PCDHA7: variants seen among roughly 807,000 people sequenced by gnomAD.
The protein encoded by PCDHA7 is protocadherin alpha 7.
In PCDHA7, 37 loss-of-function variants were observed where a neutral mutation model predicts 57.2. The ratio of observed to expected loss-of-function variants is 0.65; its 90% CI spans 0.50 to 0.85. The LOEUF (loss-of-function observed/expected upper bound fraction) is 0.85, where lower values mean the gene tolerates loss of function less well. PCDHA7 is among the 40% of genes least tolerant of loss of function. PCDHA7 has a pLI of 0.00. For synonymous variants in PCDHA7, 553 were observed against 558.8 expected, an observed-to-expected ratio of 0.99 and a Z score of 0.15; for missense variants, 1,188 against 1,241.8, an observed-to-expected ratio of 0.96 and a Z score of 0.65.
intron 3 of PCDHA7, among the ~76,000 whole-genome samples, chr5:141,000,419 A>G (rs1394449061): frequency 1.6e-5 from 1 of 61,008 alleles, no homozygotes; most frequent in African/African-American, 7.6e-5. Flanking sequence ...ATATATATAT[A>G]TATTTTTTTT....
chr5:140,877,488 C>A lies in PCDHA7; in HGVS notation c.2355+40750C>A, dbSNP rs781785108. On this transcript the variant is annotated intron_variant, in intron 1 of 3. Coordinates refer to ENST00000525929, the MANE Select transcript of PCDHA7 (RefSeq NM_018910.3). ...CGGTGCTGGTGTCGCTGGTGGAGAACGGCCAGGCCCCAAAGACGTCGTCGC... is the reference window on the plus strand; with the variant it reads ...CGGTGCTGGTGTCGCTGGTGGAGAAAGGCCAGGCCCCAAAGACGTCGTCGC... The A allele has an allele frequency of 2.5e-6, 4 of 1,613,736 alleles. No individual in the cohort carries two copies. The African/African-American group carries it at 5.3e-5, about 22-fold the overall frequency.
intron 1 of PCDHA7, among the ~76,000 whole-genome samples, chr5:140,921,929 A>G (rs2080500807): frequency 6.6e-6 from 1 of 152,244 alleles, no homozygotes; most frequent in East Asian, 1.9e-4. Flanking sequence ...CTTATAGTCA[A>G]TATAATTTTA....
intron 1 of PCDHA7, chr5:140,870,427 G>T: frequency 1.9e-6 from 3 of 1,614,220 alleles, no homozygotes; most frequent in Non-Finnish European, 2.5e-6. Context: ...CAGGGTATCC[G>T]TGGAGGTGGC....
intron 1 of PCDHA7, among the ~76,000 whole-genome samples, chr5:140,945,407 T>G (rs554073823): frequency 6.6e-6 from 1 of 152,128 alleles, no homozygotes; most frequent in Non-Finnish European, 1.5e-5. Context: ...ATACAATTCG[T>G]ATCAAAATTT....
At chr5:140,938,606 T>G (rs2092130259) in intron 1 of PCDHA7, among the ~76,000 whole-genome samples, 1 of 152,166 alleles carries the variant, frequency 6.6e-6, no homozygotes, top group African/African-American at 2.4e-5. Flanking sequence ...AATCTTGCAT[T>G]CTTGGAATAA....
chr5:140,882,054 C>T, intron 1 of PCDHA7: 1 of 781,668 alleles, frequency 1.3e-6, no homozygotes. Context: ...CATACTTACA[C>T]TTACACGTTC....
chr5:140,966,042 G>T (rs1554228004), intron 1 of PCDHA7, among the ~76,000 whole-genome samples: 1 of 152,152 alleles, frequency 6.6e-6, no homozygotes, highest in Admixed American at 6.5e-5. Context: ...AGTTCCCATC[G>T]CCAGTAACCC....
intron 1 of PCDHA7, chr5:140,854,252 T>C (rs1188551859): frequency 1.8e-5 from 11 of 627,946 alleles, no homozygotes; most frequent in African/African-American, 2.0e-5. Flanking sequence ...TCACTTGGTA[T>C]AAAATGTACA....
At position 140,840,716 on chromosome 5, in the gene PCDHA7, GAATA is replaced by G. The variant is rs1444091534; in HGVS notation, c.2355+3981_2355+3984del. 3.2e-4 allele frequency among the ~76,000 whole-genome samples: 48 copies of G among 151,992 alleles called. 1 individual carries two copies. Among genetic ancestry groups the G allele is most frequent in the Non-Finnish European group, 1.5e-5 (1 of 67,982 alleles). ...CGGTTCAGGCAATTTGACATTTATT[GAATA>G]AAGAAAAGCAAAAATTTAACAATAA... On this transcript the variant is annotated intron_variant, in intron 1 of 3. Coordinates refer to ENST00000525929, the MANE Select transcript of PCDHA7 (RefSeq NM_018910.3).
In PCDHA7 at chr5:140,936,286, A is replaced by G. The variant is rs73266055; in HGVS notation, c.2356-42663A>G. Among the ~76,000 whole-genome samples the G allele has an allele frequency of 3.3e-3, 501 of 152,358 alleles. 2 individuals are homozygous for G. The highest frequency in any genetic ancestry group is 0.012 in the African/African-American group (482 of 41,580). On this transcript the variant is annotated intron_variant, in intron 1 of 3. Transcript: ENST00000525929. ...AAGATATATTCCTGTGTTTTCTTCT[A>G]TAACATTGCTATCCAATAGAACTTT...
intron 1 of PCDHA7, chr5:140,875,355 T>A: frequency 6.9e-7 from 1 of 1,446,356 alleles, no homozygotes; most frequent in African/African-American, 1.4e-5. Context: ...ATGACTGTGA[T>A]GCTGGAAAAA....
intron 3 of PCDHA7, among the ~76,000 whole-genome samples, chr5:141,000,680 T>C (rs953789526): frequency 1.3e-5 from 2 of 151,376 alleles, no homozygotes; most frequent in African/African-American, 2.4e-5. Flanking sequence ...CACCTGCCTC[T>C]GCCTCCCAAA....
rs377081112 is a variant in PCDHA7 at position 140,871,063 on chromosome 5, G to C, written c.2355+34325G>C. On this transcript the variant is annotated intron_variant, in intron 1 of 3. Coordinates refer to ENST00000525929, the MANE Select transcript of PCDHA7 (RefSeq NM_018910.3). ...ACTTCTAGTACTGGTGAAGGATCAC[G>C]GTGAGCCGGCGCTGACGGCCACGGC... The C allele has an allele frequency of 2.7e-5, 43 of 1,613,154 alleles. 1 individual carries two copies. The South Asian group carries it at 4.5e-4, about 17-fold the overall frequency.
At chr5:140,858,790 AT>A in intron 1 of PCDHA7, 1 of 388,116 alleles carries the variant, frequency 2.6e-6, no homozygotes. Context: ...ATGTTATTTC[AT>A]TTCCAATCTA....
chr5:140,877,217 C>A (rs571871387), intron 1 of PCDHA7: 2 of 1,613,742 alleles, frequency 1.2e-6, no homozygotes, highest in African/African-American at 1.3e-5. Flanking sequence ...GAGTTGGTAC[C>A]GCGGTCGGTG....
Position 140,890,095 on chromosome 5 carries a change from C to T in PCDHA7, c.2355+53357C>T, listed in dbSNP as rs1237299507. On this transcript the variant is annotated intron_variant, in intron 1 of 3. Coordinates refer to ENST00000525929, the MANE Select transcript of PCDHA7 (RefSeq NM_018910.3). ...TGAGAACTGATAATGCAAATTTATT[C>T]CCAACTCTGGATTCAATGATGTCAC... Among the ~76,000 whole-genome samples the T allele has an allele frequency of 2.6e-5, 4 of 152,128 alleles. 1 individual carries two copies. The highest frequency in any genetic ancestry group is 1.3e-4 in the Admixed American group (2 of 15,262).
chr5:140,912,635 T>G (rs1554195442), intron 1 of PCDHA7, among the ~76,000 whole-genome samples: 2 of 152,156 alleles, frequency 1.3e-5, no homozygotes, highest in Admixed American at 6.5e-5. Context: ...AGACTTTCAG[T>G]ACTATGTTGA....
chr5:140,868,853 G>C, intron 1 of PCDHA7: 1 of 466,576 alleles, frequency 2.1e-6, no homozygotes, highest in Non-Finnish European at 3.6e-6. Flanking sequence ...AAATTCTGTG[G>C]TGGTAAATGC....
intron 1 of PCDHA7, chr5:140,843,167 A>G: frequency 6.3e-7 from 1 of 1,596,098 alleles, no homozygotes; most frequent in Non-Finnish European, 8.6e-7. Context: ...GCCAGCTGCA[A>G]GCAGCCCTCG....
Sources: gnomAD v4.1 joint callset for allele counts (sites outside exome capture counted in the v4.1 genomes callset) on GRCh38, gnomAD v4.1.1 for gene constraint, MANE v1.5 for transcripts, NCBI Gene and HGNC (gene_info 2026-07-23, HGNC 2026-07-21) for gene names.